Variants in AGAP1 observed in about 807,000 individuals in gnomAD.
The protein encoded by AGAP1 is arf-GAP with GTPase, ANK repeat and PH domain-containing protein 1.
A neutral mutation model predicts 105.3 loss-of-function variants in AGAP1; 29 were observed. That is an observed-to-expected ratio of 0.28 (90% CI 0.21 to 0.38). The LOEUF (loss-of-function observed/expected upper bound fraction) is 0.38. Among genes scored for constraint, AGAP1 ranks in the 10% least tolerant of loss-of-function variants. The pLI is 1.00. For missense variants in AGAP1, 998 were observed against 1,165.1 expected, an observed-to-expected ratio of 0.86 and a Z score of 2.09; for synonymous variants, 509 against 485.9, an observed-to-expected ratio of 1.05 and a Z score of -0.63.
chr2:236,080,724 T>G lies in AGAP1; in HGVS notation c.2114+31443T>G, dbSNP rs1050952343. 1.3e-5 allele frequency among the ~76,000 whole-genome samples: 2 copies of G among 152,144 alleles called. No individual in the cohort carries two copies. The highest frequency in any genetic ancestry group is 4.8e-5 in the African/African-American group (2 of 41,436). On this transcript the variant is annotated intron_variant, in intron 16 of 17. Coordinates refer to ENST00000304032, the MANE Select transcript of AGAP1 (RefSeq NM_001037131.3). This position sits in a 1 kb window ranked among gnomAD's most constrained non-coding sequence, Gnocchi z 4.2. ...GAAGTCCAAGCTGGGTCTGCATGGT[T>G]TCATTCCTTCTAGAGGCTGTGAGAG... is the stretch of plus-strand genomic sequence containing the variant.
chr2:235,552,362 G>C lies in AGAP1; in HGVS notation c.163+57513G>C, dbSNP rs545847970. Among the ~76,000 whole-genome samples the C allele has an allele frequency of 5.9e-5, 9 of 152,326 alleles. No homozygotes were observed. In the South Asian group the frequency reaches 1.9e-3, roughly 32 times the overall value. On this transcript the variant is annotated intron_variant, in intron 1 of 17. Transcript: ENST00000304032. The surrounding 1 kb of genome is among the most constrained non-coding windows in gnomAD (Gnocchi z 5.9). ...AGGTTTGGAGTGCTGCCTTGGTGTC[G>C]TTATAATGCAAGTGGGATTTCATTA... is the stretch of plus-strand genomic sequence containing the variant.
chr2:235,611,536 G>A lies in AGAP1; in HGVS notation c.164-97643G>A, dbSNP rs1206218129. ...TTTGAGGTGGTGATTTATGATGCCT[G>A]TGTACTTCCCTGTGGTGCCCAGGCC... On this transcript the variant is annotated intron_variant, in intron 1 of 17. Coordinates refer to ENST00000304032, the MANE Select transcript of AGAP1 (RefSeq NM_001037131.3). The surrounding 1 kb of genome is among the most constrained non-coding windows in gnomAD (Gnocchi z 5.0). 6.6e-6 allele frequency among the ~76,000 whole-genome samples: 1 copy of A among 152,186 alleles called. No individual in the cohort carries two copies. The highest frequency in any genetic ancestry group is 1.5e-5 in the Non-Finnish European group (1 of 68,036).
intron 1 of AGAP1, among the ~76,000 whole-genome samples, chr2:235,619,925 C>T (rs1440354173): frequency 6.6e-6 from 1 of 152,036 alleles, no homozygotes; most frequent in East Asian, 1.9e-4. Context: ...TTTTCCTGAG[C>T]CTTGGCCACT....
intron 13 of AGAP1, among the ~76,000 whole-genome samples, chr2:236,007,616 G>A (rs535844285): frequency 6.6e-6 from 1 of 152,066 alleles, no homozygotes; most frequent in Admixed American, 6.5e-5. Flanking sequence ...AATTTTTTTG[G>A]AATTTTTGAA....
chr2:235,929,953 G>GC (rs1202069096), intron 11 of AGAP1, among the ~76,000 whole-genome samples: 1 of 152,094 alleles, frequency 6.6e-6, no homozygotes, highest in Non-Finnish European at 1.5e-5. Flanking sequence ...TTTTAAAAAA[G>GC]CCCCAGTACC....
At chr2:235,896,239 T>A (rs1459038608) in intron 10 of AGAP1, among the ~76,000 whole-genome samples, 1 of 152,242 alleles carries the variant, frequency 6.6e-6, no homozygotes, top group Non-Finnish European at 1.5e-5. Flanking sequence ...CATTTAACAT[T>A]ATGTCCTCAA....
intron 8 of AGAP1, among the ~76,000 whole-genome samples, chr2:235,800,265 A>ATT (rs547612945): frequency 0.012 from 1,636 of 142,070 alleles, 17 homozygotes; most frequent in Non-Finnish European, 0.019. Flanking sequence ...CGTGTGGCTA[A>ATT]TTTTTTTTTT....
At position 236,120,040 on chromosome 2, in the gene AGAP1, C is replaced by A; in HGVS notation, c.2115-152C>A. The A allele has an allele frequency of 9.1e-7, 1 of 1,102,744 alleles. No homozygotes were observed. Among genetic ancestry groups the A allele is most frequent in the Non-Finnish European group, 1.3e-6 (1 of 777,770 alleles). 68.3% of individuals were successfully genotyped at this position (1,102,744 alleles called of 1,614,324 possible). A position where few individuals can be genotyped will look rare whatever the true frequency, so the allele number is the denominator to read the frequency against. ...ATACTGTTTTGTGAAGGTGGATAAA[C>A]GTTTCCCCCAGGGGGCTTTGTGCCG... On this transcript the variant is annotated intron_variant, in intron 16 of 17. Transcript: ENST00000304032. This position sits in a 1 kb window ranked among gnomAD's most constrained non-coding sequence, Gnocchi z 6.0.
At chr2:235,595,052 C>A (rs569908761) in intron 1 of AGAP1, among the ~76,000 whole-genome samples, 3 of 152,048 alleles carry the variant, frequency 2.0e-5, no homozygotes, top group Non-Finnish European at 4.4e-5. Context: ...CCAGGTGAGG[C>A]GGGTGTGGCG....
intron 1 of AGAP1, among the ~76,000 whole-genome samples, chr2:235,591,268 AGCCTCCCAAACTGTTGGGACT>A (rs1375823950): frequency 1.3e-5 from 2 of 151,892 alleles, no homozygotes; most frequent in Non-Finnish European, 2.9e-5. Context: ...CATCCGCCTC[AGCCTCCCAAACTGTTGGGACT>A]GCAGGCGTGA....
intron 16 of AGAP1, among the ~76,000 whole-genome samples, chr2:236,054,132 A>C (rs1455631450): frequency 6.6e-6 from 1 of 152,214 alleles, no homozygotes; most frequent in Admixed American, 6.5e-5. Context: ...CTGGAACTCC[A>C]CTTTCATCTT....
rs1158814218 is a variant in AGAP1 at position 235,982,005 on chromosome 2, A to G, written c.1645+13382A>G. Among the ~76,000 whole-genome samples, 1 of 152,192 alleles carries G rather than the reference A, an allele frequency of 6.6e-6. No homozygotes were observed. Among genetic ancestry groups the G allele is most frequent in the Non-Finnish European group, 1.5e-5 (1 of 68,026 alleles). ...TATCTGAAGAGTGTTTCTTAATTTT[A>G]ATAAGTTAATATTCCAACCATAAAA... is the stretch of plus-strand genomic sequence containing the variant. On this transcript the variant is annotated intron_variant, in intron 13 of 17. Coordinates refer to ENST00000304032, the MANE Select transcript of AGAP1 (RefSeq NM_001037131.3). This position sits in a 1 kb window ranked among gnomAD's most constrained non-coding sequence, Gnocchi z 4.9.
chr2:235,495,645 C>A (rs1941284318), intron 1 of AGAP1, among the ~76,000 whole-genome samples: 1 of 152,234 alleles, frequency 6.6e-6, no homozygotes, highest in Non-Finnish European at 1.5e-5. Flanking sequence ...CATGGCCTTC[C>A]AGGAGAGCTA....
At position 236,035,724 on chromosome 2, in the gene AGAP1, A is replaced by G. The variant is rs2057360387; in HGVS notation, c.1646-837A>G. On this transcript the variant is annotated intron_variant, in intron 13 of 17. Coordinates refer to ENST00000304032, the MANE Select transcript of AGAP1 (RefSeq NM_001037131.3). This position sits in a 1 kb window ranked among gnomAD's most constrained non-coding sequence, Gnocchi z 4.2. ...GGGGGCCGGGAGTAGGGACAGGAATAATGAACAGAGGCCGACGTGGATCTG... is the reference window on the plus strand; with the variant it reads ...GGGGGCCGGGAGTAGGGACAGGAATGATGAACAGAGGCCGACGTGGATCTG... Among the ~76,000 whole-genome samples the G allele has an allele frequency of 6.6e-6, 1 of 152,266 alleles. No individual in the cohort carries two copies. The highest frequency in any genetic ancestry group is 2.1e-4 in the South Asian group (1 of 4,818).
At position 236,123,361 on chromosome 2, in the gene AGAP1, T is replaced by G. The variant is rs2059945169; in HGVS notation, c.2371-558T>G. 6.6e-6 allele frequency among the ~76,000 whole-genome samples: 1 copy of G among 152,206 alleles called. No homozygotes were observed. The highest frequency in any genetic ancestry group is 2.4e-5 in the African/African-American group (1 of 41,446). ...TTGTGTTGTGCTTCTGAGTAATTTT[T>G]AATGATGTAAGAAAATGATCACAGT... On this transcript the variant is annotated intron_variant, in intron 17 of 17. Coordinates refer to ENST00000304032, the MANE Select transcript of AGAP1 (RefSeq NM_001037131.3). This position sits in a 1 kb window ranked among gnomAD's most constrained non-coding sequence, Gnocchi z 4.6.
chr2:235,770,621 T>G (rs577479285), intron 6 of AGAP1, among the ~76,000 whole-genome samples: 1 of 152,208 alleles, frequency 6.6e-6, no homozygotes, highest in South Asian at 2.1e-4. Context: ...AAGATTTAAA[T>G]AGAAGCTTAA....
intron 16 of AGAP1, among the ~76,000 whole-genome samples, chr2:236,106,038 C>T (rs1036496826): frequency 1.3e-5 from 2 of 152,226 alleles, no homozygotes; most frequent in Non-Finnish European, 2.9e-5. Flanking sequence ...CCGGAGCACA[C>T]ACACACCAGT....
rs1003288372 is a variant in AGAP1, at chr2:235,747,324, G to A, written c.538+2485G>A. On this transcript the variant is annotated intron_variant, in intron 5 of 17. Transcript: ENST00000304032. The surrounding 1 kb of genome is among the most constrained non-coding windows in gnomAD (Gnocchi z 5.0). ...AGAAAGTACCCCCATTTATTCCCAT[G>A]AATTCCATGAACATCCGTTGATCGG... Among the ~76,000 whole-genome samples, 2 of 152,150 alleles carry A rather than the reference G, an allele frequency of 1.3e-5. No homozygotes were observed. Among genetic ancestry groups the A allele is most frequent in the African/African-American group, 2.4e-5 (1 of 41,422 alleles).
rs535878613 is a variant in AGAP1, at chr2:236,090,231, C to A, written c.2115-29961C>A. Among the ~76,000 whole-genome samples the A allele has an allele frequency of 6.6e-6, 1 of 152,266 alleles. No individual in the cohort carries two copies. Among genetic ancestry groups the A allele is most frequent in the African/African-American group, 2.4e-5 (1 of 41,552 alleles). On this transcript the variant is annotated intron_variant, in intron 16 of 17. Coordinates refer to ENST00000304032, the MANE Select transcript of AGAP1 (RefSeq NM_001037131.3). The surrounding 1 kb of genome is among the most constrained non-coding windows in gnomAD (Gnocchi z 4.3). ...TGGCAGTTTTGTGGTCGTTCGCACCCAGGACTTTGATGTTCCTACTGATAT... is the reference window on the plus strand; with the variant it reads ...TGGCAGTTTTGTGGTCGTTCGCACCAAGGACTTTGATGTTCCTACTGATAT...
Sources: gnomAD v4.1 joint callset for allele counts (sites outside exome capture counted in the v4.1 genomes callset) on GRCh38, gnomAD v4.1.1 for gene constraint, Gnocchi (gnomAD v3.1) non-coding constraint, MANE v1.5 for transcripts, NCBI Gene and HGNC (gene_info 2026-07-23, HGNC 2026-07-21) for gene names.